Variants in FAM135B observed in about 807,000 individuals in gnomAD.
FAM135B encodes the protein family with sequence similarity 135 member B.
A neutral mutation model predicts 127.7 loss-of-function variants in FAM135B; 43 were observed. The observed-to-expected ratio is 0.34, with a 90% CI of 0.26 to 0.43. FAM135B has a LOEUF of 0.43. FAM135B is among the 20% of genes least tolerant of loss of function. FAM135B has a pLI of 1.00. For missense variants in FAM135B, 1,558 were observed against 1,725.6 expected (o/e 0.90, Z 1.72); for synonymous variants, 670 against 665.1 (o/e 1.01, Z -0.11).
In FAM135B at chr8:138,366,815, A is replaced by C. The variant is rs529160987; in HGVS notation, c.77+1092T>G. ...GATGGTATCTATTTCTTCATTTTAA[A>C]GCTGGACTGGCCTTGTGACTTGCTT... On this transcript the variant is annotated intron_variant, in intron 2 of 19. Transcript: ENST00000395297. Among the ~76,000 whole-genome samples the C allele has an allele frequency of 3.3e-4, 50 of 152,322 alleles. 1 individual carries two copies. The South Asian group carries it at 0.01, about 31-fold the overall frequency.
intron 9 of FAM135B, among the ~76,000 whole-genome samples, chr8:138,192,334 T>G (rs1366840697): frequency 2.0e-5 from 3 of 152,174 alleles, no homozygotes; most frequent in South Asian, 2.1e-4. Flanking sequence ...GCTTTACAGT[T>G]TGAAACAAAG....
At chr8:138,410,247 CCT>C (rs1833780983) in intron 1 of FAM135B, among the ~76,000 whole-genome samples, 1 of 152,174 alleles carries the variant, frequency 6.6e-6, no homozygotes, top group African/African-American at 2.4e-5. Context: ...TGACCACACC[CCT>C]GAGACTTCCC....
Position 138,168,060 on chromosome 8 carries a change from C to T in FAM135B, c.1104-11G>A, listed in dbSNP as rs2130904187. 3.7e-6 allele frequency: 6 copies of T among 1,606,208 alleles called. No homozygotes were observed. The highest frequency in any genetic ancestry group is 5.1e-6 in the Non-Finnish European group (6 of 1,176,052). On this transcript the variant is annotated splice_polypyrimidine_tract_variant and intron_variant, in intron 11 of 19. Coordinates refer to ENST00000395297, the MANE Select transcript of FAM135B (RefSeq NM_015912.4). The stretch of plus-strand genomic sequence containing the variant: ...CTGTGCGTCTGTATCCTGGGGAGCA[C>T]ATGGCAGGGTGAGCGTCCAGGGAAG...
intron 1 of FAM135B, among the ~76,000 whole-genome samples, chr8:138,487,059 G>C (rs1044649898): frequency 6.6e-6 from 1 of 152,012 alleles, no homozygotes; most frequent in African/African-American, 2.4e-5. Flanking sequence ...TTTCAAACTG[G>C]AACAGTCCCT....
At chr8:138,180,942 T>A (rs1337998892) in intron 9 of FAM135B, among the ~76,000 whole-genome samples, 3 of 152,028 alleles carry the variant, frequency 2.0e-5, no homozygotes. Flanking sequence ...TGGTCAAAAG[T>A]GTTAAGTAAA....
At chr8:138,238,987 G>A (rs1444408310) in intron 7 of FAM135B, among the ~76,000 whole-genome samples, 1 of 152,148 alleles carries the variant, frequency 6.6e-6, no homozygotes, top group Non-Finnish European at 1.5e-5. Context: ...TCAAAGACAG[G>A]GATGTCTGCT....
At chr8:138,421,898 A>G (rs1257571168) in intron 1 of FAM135B, among the ~76,000 whole-genome samples, 2 of 152,222 alleles carry the variant, frequency 1.3e-5, no homozygotes, top group Non-Finnish European at 2.9e-5. Flanking sequence ...ACAAGGCTAC[A>G]GAAACCAAAA....
intron 12 of FAM135B, among the ~76,000 whole-genome samples, chr8:138,165,578 G>T (rs1437044163): frequency 6.6e-6 from 1 of 152,160 alleles, no homozygotes; most frequent in African/African-American, 2.4e-5. Flanking sequence ...AATACTAGAG[G>T]ATCTGCTAGT....
At chr8:138,339,380 TATA>T (rs1324839685) in intron 2 of FAM135B, among the ~76,000 whole-genome samples, 20 of 110,916 alleles carry the variant, frequency 1.8e-4, no homozygotes, top group African/African-American at 5.4e-4. Context: ...TATATATATA[TATA>T]TTTTAAAATC....
intron 2 of FAM135B, among the ~76,000 whole-genome samples, chr8:138,339,267 A>G (rs1011717885): frequency 4.6e-5 from 7 of 152,068 alleles, no homozygotes; most frequent in African/African-American, 1.7e-4. Context: ...AATTTAAAAA[A>G]AAACCTAAAT....
chr8:138,187,503 G>C, intron 9 of FAM135B, among the ~76,000 whole-genome samples: 1 of 152,182 alleles, frequency 6.6e-6, no homozygotes, highest in East Asian at 1.9e-4. Flanking sequence ...TGGTTTGCCA[G>C]AATCTAAGCC....
At chr8:138,445,482 T>A (rs1836084877) in intron 1 of FAM135B, among the ~76,000 whole-genome samples, 1 of 152,220 alleles carries the variant, frequency 6.6e-6, no homozygotes, top group African/African-American at 2.4e-5. Flanking sequence ...ATCCCTGGGA[T>A]GCAAGGCTGG....
At chr8:138,160,209 A>T (rs992104547) in intron 12 of FAM135B, among the ~76,000 whole-genome samples, 2 of 151,826 alleles carry the variant, frequency 1.3e-5, no homozygotes, top group African/African-American at 2.4e-5. Context: ...TTTTGACTGG[A>T]TGTTACTTGT....
chr8:138,180,859 C>A (rs1814954084), intron 9 of FAM135B, among the ~76,000 whole-genome samples: 1 of 152,200 alleles, frequency 6.6e-6, no homozygotes, highest in Non-Finnish European at 1.5e-5. Flanking sequence ...GGAAGCTTTA[C>A]TTCCAGCACT....
intron 1 of FAM135B, among the ~76,000 whole-genome samples, chr8:138,393,063 C>T (rs570937069): frequency 2.0e-5 from 3 of 152,084 alleles, no homozygotes; most frequent in South Asian, 4.1e-4. Flanking sequence ...ACATGGATGG[C>T]GGCAGGCAAA....
In FAM135B at chr8:138,364,088, A is replaced by G. The variant is rs555842262; in HGVS notation, c.77+3819T>C. Among the ~76,000 whole-genome samples, 9 of 152,318 alleles carry G rather than the reference A, an allele frequency of 5.9e-5. No homozygotes were observed. In the East Asian group the frequency reaches 1.7e-3, roughly 29 times the overall value. Reference sequence around the variant, plus strand: ...AGAAGACCATTTGCTTTTCTTCAGAAGCTACCCTGGGGCCCCACCTTGCAC... The same window carrying G: ...AGAAGACCATTTGCTTTTCTTCAGAGGCTACCCTGGGGCCCCACCTTGCAC... On this transcript the variant is annotated intron_variant, in intron 2 of 19. Transcript: ENST00000395297.
At chr8:138,416,967 T>C (rs1467668924) in intron 1 of FAM135B, among the ~76,000 whole-genome samples, 2 of 152,132 alleles carry the variant, frequency 1.3e-5, no homozygotes, top group Admixed American at 1.3e-4. Flanking sequence ...TCCAGAATCC[T>C]AGCTTCAGGA....
At chr8:138,340,560 AC>A (rs927699325) in intron 2 of FAM135B, among the ~76,000 whole-genome samples, 1 of 152,094 alleles carries the variant, frequency 6.6e-6, no homozygotes, top group Admixed American at 6.5e-5. Context: ...AGGCTCCAGC[AC>A]CCATGTCCTG....
intron 1 of FAM135B, among the ~76,000 whole-genome samples, chr8:138,389,128 G>A (rs1162880973): frequency 1.3e-5 from 2 of 152,126 alleles, no homozygotes; most frequent in Non-Finnish European, 2.9e-5. Flanking sequence ...CCACTAGGAT[G>A]GCCATAATTT....
Sources: allele counts gnomAD v4.1 joint callset (sites outside exome capture counted in the v4.1 genomes callset), GRCh38; gene constraint gnomAD v4.1.1; transcripts MANE v1.5; gene names NCBI Gene and HGNC (gene_info 2026-07-23, HGNC 2026-07-21).